Variants in CNTLN observed in about 807,000 individuals in gnomAD.
CNTLN encodes centlein, centrosomal protein.
In CNTLN, 212 loss-of-function variants were observed where a neutral mutation model predicts 180.0. The observed-to-expected ratio is 1.18, with a 90% CI of 1.05 to 1.32. CNTLN has a LOEUF of 1.32. Ranked by LOEUF, CNTLN falls within the 40% of genes most tolerant of loss-of-function variation. The pLI is 0.00. For synonymous variants in CNTLN, 722 were observed against 563.1 expected (o/e 1.28, Z -3.99); for missense variants, 2,095 against 1,610.9 (o/e 1.30, Z -5.14).
chr9:17,375,954 C>T (rs749445035), intron 13 of CNTLN, among the ~76,000 whole-genome samples: 2 of 152,128 alleles, frequency 1.3e-5, no homozygotes, highest in Non-Finnish European at 2.9e-5. Context: ...ACATTCTAAC[C>T]ACTGTACTTT....
chr9:17,419,264 T>C (rs1207716812), intron 18 of CNTLN, among the ~76,000 whole-genome samples: 2 of 152,166 alleles, frequency 1.3e-5, no homozygotes, highest in African/African-American at 4.8e-5. Flanking sequence ...AATATCATTG[T>C]AAAATATTCT....
chr9:17,157,406 G>A (rs903701786), intron 2 of CNTLN, among the ~76,000 whole-genome samples: 1 of 152,146 alleles, frequency 6.6e-6, no homozygotes, highest in Non-Finnish European at 1.5e-5. Flanking sequence ...AGAATGAGAA[G>A]GTTGAAGCAA....
chr9:17,386,642 G>A (rs10117379), intron 13 of CNTLN, among the ~76,000 whole-genome samples: 120,768 of 150,104 alleles, frequency 0.8, 48,906 homozygotes, highest in Non-Finnish European at 0.87. Context: ...AGAAACAAAC[G>A]TCAGCAGATA....
At chr9:17,177,744 C>CGGCAGACCTTCGT (rs1354137951) in intron 2 of CNTLN, among the ~76,000 whole-genome samples, 15 of 152,154 alleles carry the variant, frequency 9.9e-5, no homozygotes, top group African/African-American at 3.6e-4. Flanking sequence ...CAGACCTTCG[C>CGGCAGACCTTCGT]GGTGAGTGTT....
chr9:17,385,298 C>G (rs62558996), intron 13 of CNTLN, among the ~76,000 whole-genome samples: 24,128 of 152,104 alleles, frequency 0.16, 2,548 homozygotes, highest in Middle Eastern at 0.26. Flanking sequence ...ATCATTGATT[C>G]AATCATTGGC....
At chr9:17,313,295 T>C (rs1054122120) in intron 8 of CNTLN, among the ~76,000 whole-genome samples, 2 of 152,202 alleles carry the variant, frequency 1.3e-5, no homozygotes, top group Non-Finnish European at 2.9e-5. Context: ...ATCCATTGAA[T>C]TGTAACATAA....
chr9:17,179,231 G>GAGA lies in CNTLN; in HGVS notation c.449+35856_449+35858dup, dbSNP rs372524696. Among the ~76,000 whole-genome samples the GAGA allele has an allele frequency of 3.2e-4, 42 of 130,966 alleles. 1 individual carries two copies. Among genetic ancestry groups the GAGA allele is most frequent in the African/African-American group, 1.2e-3 (40 of 32,642 alleles). The allele number at this position is 130,966 out of a possible 152,430, so 85.9% of individuals were successfully genotyped here. ...TGCACTCCAGCCTGGGCGACAGAGC[G>GAGA]AGACTCCGTCTCAAAAAAAAAAAAA... On this transcript the variant is annotated intron_variant, in intron 2 of 25. Transcript: ENST00000380647.
intron 5 of CNTLN, among the ~76,000 whole-genome samples, chr9:17,261,339 A>G (rs146083408): frequency 5.9e-5 from 9 of 151,452 alleles, no homozygotes; most frequent in Admixed American, 1.3e-4. Context: ...TGTGTCATCT[A>G]TGATTTCTCT....
At chr9:17,431,309 T>C (rs568323819) in intron 18 of CNTLN, among the ~76,000 whole-genome samples, 13 of 152,314 alleles carry the variant, frequency 8.5e-5, no homozygotes, top group Non-Finnish European at 1.5e-4. Context: ...ATTAATGACA[T>C]TGAACATTTT....
chr9:17,399,278 G>C (rs1047953698), intron 15 of CNTLN, among the ~76,000 whole-genome samples: 1 of 152,024 alleles, frequency 6.6e-6, no homozygotes, highest in Non-Finnish European at 1.5e-5. Flanking sequence ...TTTGTTACAG[G>C]GGTCTCAAAT....
At chr9:17,145,579 C>T (rs1818400295) in intron 2 of CNTLN, among the ~76,000 whole-genome samples, 1 of 152,152 alleles carries the variant, frequency 6.6e-6, no homozygotes, top group East Asian at 1.9e-4. Flanking sequence ...TCTCATTGCC[C>T]TTCTCTTTAC....
At chr9:17,357,940 T>C (rs1297474086) in intron 12 of CNTLN, among the ~76,000 whole-genome samples, 1 of 151,910 alleles carries the variant, frequency 6.6e-6, no homozygotes, top group Admixed American at 6.6e-5. Flanking sequence ...TGTAGATTAG[T>C]TGCTTCTTAA....
chr9:17,519,763 T>A, the CNTLN span, among the ~76,000 whole-genome samples: 1 of 152,220 alleles, frequency 6.6e-6, no homozygotes, highest in African/African-American at 2.4e-5. Context: ...CTTAAGTAAT[T>A]TTAACATGCA....
At chr9:17,274,485 C>G (rs59883775) in intron 6 of CNTLN, among the ~76,000 whole-genome samples, 1,826 of 147,182 alleles carry the variant, frequency 0.012, 43 homozygotes, top group African/African-American at 0.043. Context: ...ATCTATCTAT[C>G]TATCTATCTA....
chr9:17,521,265 A>AGAGAGAGAG, the CNTLN span, among the ~76,000 whole-genome samples: 172 of 118,600 alleles, frequency 1.5e-3, 2 homozygotes, highest in Admixed American at 2.5e-3. Flanking sequence ...AAGGGAGAAA[A>AGAGAGAGAG]AGAGAGAGAG....
At chr9:17,487,280 G>A (rs1027817009) in intron 25 of CNTLN, 4 of 517,168 alleles carry the variant, frequency 7.7e-6, no homozygotes, top group Admixed American at 3.7e-5. Context: ...AGCCAACATG[G>A]GTCTTAGCAA....
the CNTLN span, among the ~76,000 whole-genome samples, chr9:17,515,328 A>G: frequency 1.3e-5 from 2 of 152,126 alleles, no homozygotes; most frequent in East Asian, 3.9e-4. Flanking sequence ...GGGTACTACC[A>G]GGCTCACTTT....
At chr9:17,419,126 T>G (rs112876331) in intron 18 of CNTLN, among the ~76,000 whole-genome samples, 44 of 152,186 alleles carry the variant, frequency 2.9e-4, no homozygotes, top group African/African-American at 8.4e-4. Context: ...TGTTTGTTTG[T>G]TTGTTTTTTT....
At chr9:17,439,543 A>G (rs1216326972) in intron 18 of CNTLN, among the ~76,000 whole-genome samples, 2 of 152,250 alleles carry the variant, frequency 1.3e-5, no homozygotes. Context: ...TTAGAATGTG[A>G]CTAAGGTGGT....
Sources: gnomAD v4.1 joint callset for allele counts (sites outside exome capture counted in the v4.1 genomes callset) on GRCh38, gnomAD v4.1.1 for gene constraint, MANE v1.5 for transcripts, NCBI Gene and HGNC (gene_info 2026-07-23, HGNC 2026-07-21) for gene names.